Variants in TMEM132D observed in about 807,000 individuals in gnomAD.
The protein encoded by TMEM132D is transmembrane protein 132D.
Under a neutral mutation model 62.3 loss-of-function variants are expected in TMEM132D, and 21 were observed. That is an observed-to-expected ratio of 0.34 (90% CI 0.24 to 0.49). TMEM132D has a LOEUF of 0.49. TMEM132D is among the 20% of genes least tolerant of loss of function. The probability of loss-of-function intolerance (pLI) is 0.99; values close to 1 mark genes in which losing one functional copy is unlikely to be tolerated. For missense variants in TMEM132D, 1,346 were observed against 1,402.8 expected, an observed-to-expected ratio of 0.96 and a Z score of 0.65; for synonymous variants, 621 against 575.6, an observed-to-expected ratio of 1.08 and a Z score of -1.13.
At chr12:129,500,588 A>G (rs1412098066) in intron 3 of TMEM132D, among the ~76,000 whole-genome samples, 1 of 152,180 alleles carries the variant, frequency 6.6e-6, no homozygotes, top group Non-Finnish European at 1.5e-5. Context: ...AGAATGTGAT[A>G]TTTACGTCCC....
chr12:129,488,534 T>A (rs1019568114), intron 3 of TMEM132D, among the ~76,000 whole-genome samples: 2 of 151,886 alleles, frequency 1.3e-5, no homozygotes, highest in African/African-American at 4.8e-5. Flanking sequence ...AATAGCTGGG[T>A]GTGGTGGCAT....
chr12:129,754,772 G>A (rs1870111365), intron 1 of TMEM132D, among the ~76,000 whole-genome samples: 1 of 152,134 alleles, frequency 6.6e-6, no homozygotes, highest in African/African-American at 2.4e-5. Flanking sequence ...AGACCAAAGA[G>A]ACAGCGATTT....
chr12:129,240,885 C>A (rs1395708427), intron 4 of TMEM132D, among the ~76,000 whole-genome samples: 1 of 152,092 alleles, frequency 6.6e-6, no homozygotes, highest in African/African-American at 2.4e-5. Flanking sequence ...TCTGAGACAT[C>A]TCCTCAATCT....
chr12:129,125,881 CTG>C, intron 5 of TMEM132D, among the ~76,000 whole-genome samples: 1 of 152,282 alleles, frequency 6.6e-6, no homozygotes, highest in African/African-American at 2.4e-5. Context: ...TTGAAGAGCA[CTG>C]TGATGTGGCC....
chr12:129,459,145 C>A (rs1873575922), intron 3 of TMEM132D, among the ~76,000 whole-genome samples: 1 of 152,058 alleles, frequency 6.6e-6, no homozygotes, highest in African/African-American at 2.4e-5. Flanking sequence ...CATGGTGAGA[C>A]CCTGCTTGAC....
chr12:129,531,345 T>A, intron 2 of TMEM132D, 140 bp from the exon 3 acceptor site: 1 of 1,029,626 alleles, frequency 9.7e-7, no homozygotes, highest in Non-Finnish European at 1.3e-6. Context: ...TAAACACAAA[T>A]TTGCAGTCGC....
intron 4 of TMEM132D, among the ~76,000 whole-genome samples, chr12:129,261,839 C>T (rs1439137306): frequency 1.3e-5 from 2 of 152,152 alleles, no homozygotes; most frequent in Admixed American, 1.3e-4. Flanking sequence ...ATTAAAGTCC[C>T]TATGTCCAAA....
chr12:129,401,645 G>A (rs1871626635), intron 3 of TMEM132D, among the ~76,000 whole-genome samples: 1 of 152,160 alleles, frequency 6.6e-6, no homozygotes, highest in African/African-American at 2.4e-5. Flanking sequence ...AACCGTGTGA[G>A]GCAGGTTGGC....
At chr12:129,594,702 T>C (rs892040026) in intron 2 of TMEM132D, among the ~76,000 whole-genome samples, 1 of 152,176 alleles carries the variant, frequency 6.6e-6, no homozygotes, top group African/African-American at 2.4e-5. Flanking sequence ...ACTTTGCCTT[T>C]TTATACTGAT....
chr12:129,261,621 G>A (rs1216080586), intron 4 of TMEM132D, among the ~76,000 whole-genome samples: 2 of 152,214 alleles, frequency 1.3e-5, no homozygotes, highest in Middle Eastern at 3.4e-3. Context: ...TTTTCTCCTA[G>A]TTCCAGAGGT....
At chr12:129,583,650 A>G (rs1391468119) in intron 2 of TMEM132D, among the ~76,000 whole-genome samples, 1 of 152,194 alleles carries the variant, frequency 6.6e-6, no homozygotes, top group Admixed American at 6.5e-5. Flanking sequence ...TATGAAGAAA[A>G]TAACCTGCGC....
intron 5 of TMEM132D, among the ~76,000 whole-genome samples, chr12:129,172,417 C>T (rs1335051369): frequency 2.0e-5 from 3 of 152,216 alleles, no homozygotes; most frequent in African/African-American, 7.2e-5. Flanking sequence ...TTTTCCTTTG[C>T]ATTCACAACT....
chr12:129,339,004 A>G (rs1566037994), intron 3 of TMEM132D, among the ~76,000 whole-genome samples: 1 of 152,042 alleles, frequency 6.6e-6, no homozygotes, highest in Non-Finnish European at 1.5e-5. Context: ...GGAGGGAAAA[A>G]TGGAAGGAGA....
intron 4 of TMEM132D, among the ~76,000 whole-genome samples, chr12:129,334,353 T>C (rs1025166604): frequency 1.0e-4 from 15 of 147,588 alleles, no homozygotes; most frequent in Admixed American, 2.0e-4. Flanking sequence ...GAGTGATGGA[T>C]CTAAAATTTC....
intron 3 of TMEM132D, among the ~76,000 whole-genome samples, chr12:129,468,921 C>A (rs1874008201): frequency 6.6e-6 from 1 of 152,186 alleles, no homozygotes; most frequent in Non-Finnish European, 1.5e-5. Context: ...TTTCTTGACA[C>A]TGCTTGTTTT....
intron 2 of TMEM132D, among the ~76,000 whole-genome samples, chr12:129,585,815 A>ATGTGTGTGTGTGTGTGTG (rs34364323): frequency 6.8e-6 from 1 of 147,640 alleles, no homozygotes; most frequent in African/African-American, 2.5e-5. Context: ...ATATGCATGC[A>ATGTGTGTGTGTGTGTGTG]TGTGTGTGTG....
chr12:129,340,537 T>C (rs1329784822), intron 3 of TMEM132D, among the ~76,000 whole-genome samples: 2 of 147,512 alleles, frequency 1.4e-5, no homozygotes, highest in African/African-American at 2.5e-5. Context: ...AATTCCCACC[T>C]ATGAGTGAGA....
chr12:129,286,956 G>C (rs1014708130), intron 4 of TMEM132D, among the ~76,000 whole-genome samples: 3 of 151,928 alleles, frequency 2.0e-5, no homozygotes, highest in African/African-American at 7.3e-5. Flanking sequence ...GCTGAGGCAC[G>C]AGCATCACTT....
chr12:129,674,162 C>A (rs903527462), intron 2 of TMEM132D, among the ~76,000 whole-genome samples: 2 of 152,160 alleles, frequency 1.3e-5, no homozygotes, highest in African/African-American at 4.8e-5. Flanking sequence ...CAAACCCATG[C>A]AAAGGGGCAT....
Sources: gnomAD v4.1 joint callset for allele counts (sites outside exome capture counted in the v4.1 genomes callset) on GRCh38, gnomAD v4.1.1 for gene constraint, MANE v1.5 for transcripts, NCBI Gene and HGNC (gene_info 2026-07-23, HGNC 2026-07-21) for gene names.